The following AGAP1 variants were observed in gnomAD, a reference collection of about 807,000 sequenced individuals.
The protein encoded by AGAP1 is ArfGAP with GTPase domain, ankyrin repeat and PH domain 1.
Under a neutral mutation model 105.3 loss-of-function variants are expected in AGAP1, and 29 were observed. The observed-to-expected ratio is 0.28, with a 90% CI of 0.21 to 0.38. The LOEUF is 0.38. Ranked by LOEUF, AGAP1 falls within the 10% of genes least tolerant of loss-of-function variation. The pLI is 1.00. For synonymous variants in AGAP1, 509 were observed against 485.9 expected (o/e 1.05, Z -0.63); for missense variants, 998 against 1,165.1 (o/e 0.86, Z 2.09).
intron 16 of AGAP1, among the ~76,000 whole-genome samples, chr2:236,111,378 TG>T (rs1410158434): frequency 2.0e-5 from 3 of 151,572 alleles, no homozygotes; most frequent in Non-Finnish European, 4.4e-5. Context: ...TATGCAGGCA[TG>T]GTGGCACACG....
intron 6 of AGAP1, among the ~76,000 whole-genome samples, chr2:235,776,139 G>A (rs1334225459): frequency 1.3e-5 from 2 of 152,142 alleles, no homozygotes; most frequent in African/African-American, 4.8e-5. Context: ...ATCTACAAGG[G>A]CCAAAAGTGG....
intron 14 of AGAP1, among the ~76,000 whole-genome samples, chr2:236,037,886 A>G (rs1041424997): frequency 6.6e-6 from 1 of 152,190 alleles, no homozygotes; most frequent in Non-Finnish European, 1.5e-5. Flanking sequence ...ACTAGAAACT[A>G]AGAGAAAGGA....
At position 235,936,611 on chromosome 2, in the gene AGAP1, G is replaced by A. The variant is rs116701355; in HGVS notation, c.1483+5688G>A. 3.5e-3 allele frequency among the ~76,000 whole-genome samples: 530 copies of A among 152,168 alleles called. 2 individuals are homozygous for A. Among genetic ancestry groups the A allele is most frequent in the African/African-American group, 0.012 (480 of 41,516 alleles). ...TTCATCAATTTTAATCATTATAGTT[G>A]GAGCATTTTTTTTCTCTTCTTGGAT... On this transcript the variant is annotated intron_variant, in intron 12 of 17. Transcript: ENST00000304032. The surrounding 1 kb of genome is among the most constrained non-coding windows in gnomAD (Gnocchi z 4.7).
At chr2:236,034,335 T>A (rs1223085894) in intron 13 of AGAP1, among the ~76,000 whole-genome samples, 1 of 151,858 alleles carries the variant, frequency 6.6e-6, no homozygotes, top group Non-Finnish European at 1.5e-5. Context: ...TCCAAGTCCC[T>A]GAGTGTTTAA....
At chr2:236,025,463 T>G (rs2057020985) in intron 13 of AGAP1, among the ~76,000 whole-genome samples, 1 of 152,190 alleles carries the variant, frequency 6.6e-6, no homozygotes, top group Non-Finnish European at 1.5e-5. Flanking sequence ...CTGCTAAAAA[T>G]TCTTCTTTGA....
intron 12 of AGAP1, among the ~76,000 whole-genome samples, chr2:235,942,238 G>A (rs759871202): frequency 1.3e-5 from 2 of 152,142 alleles, no homozygotes; most frequent in Admixed American, 1.3e-4. Context: ...GACAACCCGC[G>A]ATTCCCCTGG....
chr2:235,540,835 G>A (rs1185273974), intron 1 of AGAP1, among the ~76,000 whole-genome samples: 1 of 152,144 alleles, frequency 6.6e-6, no homozygotes, highest in Non-Finnish European at 1.5e-5. Flanking sequence ...TAAACTTCAT[G>A]TTGGATAAAT....
chr2:235,710,945 G>A (rs1950826273), intron 2 of AGAP1, among the ~76,000 whole-genome samples: 1 of 152,190 alleles, frequency 6.6e-6, no homozygotes, highest in Non-Finnish European at 1.5e-5. Context: ...GTGCCCCATG[G>A]GGAGGGATAG....
intron 9 of AGAP1, among the ~76,000 whole-genome samples, chr2:235,813,260 C>T (rs1357743043): frequency 2.0e-5 from 3 of 152,214 alleles, no homozygotes; most frequent in African/African-American, 7.2e-5. Flanking sequence ...TTACTTTACC[C>T]AAAGCACAAA....
In AGAP1 at chr2:235,879,456, T is replaced by TAA. The variant is rs1306366915; in HGVS notation, c.1051-3888_1051-3887insAA. ...CAGGGTATTCTGTAGTCCTGCCACT[T>TAA]ACGCAGCATTTGAATAGTGCCTATA... On this transcript the variant is annotated intron_variant, in intron 9 of 17. Transcript: ENST00000304032. This position sits in a 1 kb window ranked among gnomAD's most constrained non-coding sequence, Gnocchi z 5.0. Among the ~76,000 whole-genome samples the TAA allele has an allele frequency of 6.6e-6, 1 of 152,240 alleles. No individual in the cohort carries two copies. Among genetic ancestry groups the TAA allele is most frequent in the Non-Finnish European group, 1.5e-5 (1 of 68,044 alleles).
At chr2:235,926,303 A>T (rs1486977200) in intron 11 of AGAP1, among the ~76,000 whole-genome samples, 1 of 152,192 alleles carries the variant, frequency 6.6e-6, no homozygotes, top group Non-Finnish European at 1.5e-5. Flanking sequence ...CGTTTCTTTG[A>T]CGGGTGGATT....
intron 1 of AGAP1, among the ~76,000 whole-genome samples, chr2:235,607,828 CG>C (rs1945997284): frequency 6.6e-6 from 1 of 152,016 alleles, no homozygotes; most frequent in African/African-American, 2.4e-5. Context: ...AAGTCACTAT[CG>C]GGGAACGTTC....
At chr2:235,514,791 C>T (rs1174233913) in intron 1 of AGAP1, among the ~76,000 whole-genome samples, 5 of 152,218 alleles carry the variant, frequency 3.3e-5, no homozygotes, top group Non-Finnish European at 1.5e-5. Context: ...GGACTGGACA[C>T]GTGGTGAGAG....
At chr2:235,581,791 C>T (rs1337291828) in intron 1 of AGAP1, among the ~76,000 whole-genome samples, 4 of 151,958 alleles carry the variant, frequency 2.6e-5, no homozygotes, top group South Asian at 2.1e-4. Context: ...GGCAACAGAG[C>T]GAGATTCCAT....
intron 16 of AGAP1, among the ~76,000 whole-genome samples, chr2:236,059,911 T>C (rs1395620975): frequency 1.3e-5 from 2 of 152,032 alleles, no homozygotes; most frequent in Non-Finnish European, 2.9e-5. Context: ...GCCAACATGG[T>C]GAAACCCCGT....
intron 1 of AGAP1, among the ~76,000 whole-genome samples, chr2:235,624,588 T>C (rs570567846): frequency 2.0e-4 from 31 of 152,288 alleles, no homozygotes; most frequent in African/African-American, 6.3e-4. Context: ...TGCTGTAAAG[T>C]GTATGTGCGT....
At chr2:235,670,984 C>T (rs1364321581) in intron 1 of AGAP1, 7 of 1,326,020 alleles carry the variant, frequency 5.3e-6, no homozygotes, top group Non-Finnish European at 6.7e-6. Flanking sequence ...CACGCGGCTA[C>T]TTCAGCCTGC....
chr2:235,665,519 G>T lies in AGAP1; in HGVS notation c.164-43660G>T, dbSNP rs1948098427. 6.6e-6 allele frequency among the ~76,000 whole-genome samples: 1 copy of T among 152,208 alleles called. No homozygotes were observed. Among genetic ancestry groups the T allele is most frequent in the Non-Finnish European group, 1.5e-5 (1 of 68,044 alleles). On this transcript the variant is annotated intron_variant, in intron 1 of 17. Transcript: ENST00000304032. This position sits in a 1 kb window ranked among gnomAD's most constrained non-coding sequence, Gnocchi z 5.3. ...ATGCGTGCAGAATTTTCAGTTCCTA[G>T]AAGCTGAGCATCATGGCAAATCTTA... is the stretch of plus-strand genomic sequence containing the variant.
At position 235,719,335 on chromosome 2, in the gene AGAP1, C is replaced by G. The variant is rs944429491; in HGVS notation, c.310+1691C>G. ...TATGGCTATTTGGTCATTTTTGTGG[C>G]TTTTCGCTGTTTTCCCTTTGGGCAT... is the stretch of plus-strand genomic sequence containing the variant. On this transcript the variant is annotated intron_variant, in intron 3 of 17. Coordinates refer to ENST00000304032, the MANE Select transcript of AGAP1 (RefSeq NM_001037131.3). The surrounding 1 kb of genome is among the most constrained non-coding windows in gnomAD (Gnocchi z 4.9). Among the ~76,000 whole-genome samples the G allele has an allele frequency of 6.6e-6, 1 of 152,150 alleles. No homozygotes were observed. The highest frequency in any genetic ancestry group is 1.5e-5 in the Non-Finnish European group (1 of 68,018).
Sources: gnomAD v4.1 joint callset for allele counts (sites outside exome capture counted in the v4.1 genomes callset) on GRCh38, gnomAD v4.1.1 for gene constraint, Gnocchi (gnomAD v3.1) non-coding constraint, MANE v1.5 for transcripts, NCBI Gene and HGNC (gene_info 2026-07-23, HGNC 2026-07-21) for gene names.